Variants in POU6F2 observed in about 807,000 individuals in gnomAD.
POU6F2 encodes POU domain, class 6, transcription factor 2.
Under a neutral mutation model 71.3 loss-of-function variants are expected in POU6F2, and 31 were observed. The ratio of observed to expected loss-of-function variants is 0.43; its 90% confidence interval spans 0.33 to 0.59. The LOEUF (loss-of-function observed/expected upper bound fraction) is 0.59, where lower values mean the gene tolerates loss of function less well. POU6F2 is among the 20% of genes least tolerant of loss of function. POU6F2 has a pLI of 0.04. For synonymous variants in POU6F2, 347 were observed against 355.7 expected (o/e 0.98, Z 0.27); for missense variants, 783 against 856.8 (o/e 0.91, Z 1.07).
At chr7:39,430,954 G>A (rs928086021) in intron 6 of POU6F2, among the ~76,000 whole-genome samples, 4 of 152,172 alleles carry the variant, frequency 2.6e-5, no homozygotes, top group African/African-American at 9.7e-5. Context: ...GAAGATGGGA[G>A]GCCTGTTCCT....
In POU6F2 at chr7:39,030,117, A is replaced by G. The variant is rs192740137; in HGVS notation, c.105+52059A>G. ...ATTAAAATTACTTTTTGAAAGTTTC[A>G]CTTGTAGAATTATCTGAGTCAATGT... On this transcript the variant is annotated intron_variant, in intron 1 of 9. Transcript: ENST00000518318. Among the ~76,000 whole-genome samples, 18 of 152,030 alleles carry G rather than the reference A, an allele frequency of 1.2e-4. No homozygotes were observed. The East Asian group carries it at 3.5e-3, about 30-fold the overall frequency.
chr7:39,015,881 A>C (rs1412579521), intron 1 of POU6F2, among the ~76,000 whole-genome samples: 1 of 45,326 alleles, frequency 2.2e-5, no homozygotes, highest in African/African-American at 7.7e-5. Context: ...ATATAGATAT[A>C]TATTATATAT....
rs1218595822 is a variant in POU6F2 at position 39,207,243 on chromosome 7, A to C, written c.370-149A>C. The C allele has an allele frequency of 4.5e-6, 3 of 671,040 alleles. No individual in the cohort carries two copies. The African/African-American group carries it at 5.4e-5, about 12-fold the overall frequency. 41.6% of individuals were successfully genotyped at this position (671,040 alleles called of 1,614,324 possible). A position where few individuals can be genotyped will look rare whatever the true frequency, so the allele number is the denominator to read the frequency against. On this transcript the variant is annotated intron_variant, in intron 3 of 9. Transcript: ENST00000518318. ...AATGCAACTTTGAAAATTTTTTTCT[A>C]CCAATCATTTTTTTTTAATGAGATA...
At chr7:39,181,789 T>A (rs2128741541) in intron 2 of POU6F2, among the ~76,000 whole-genome samples, 1 of 152,242 alleles carries the variant, frequency 6.6e-6, no homozygotes, top group Admixed American at 6.5e-5. Flanking sequence ...AGTCATTAGG[T>A]TGCTTTTCCA....
intron 4 of POU6F2, among the ~76,000 whole-genome samples, chr7:39,252,418 A>ACACACG (rs1783942667): frequency 6.6e-6 from 1 of 151,924 alleles, no homozygotes; most frequent in Non-Finnish European, 1.5e-5. Flanking sequence ...ACACACACAC[A>ACACACG]CACACACACA....
chr7:39,229,847 C>T (rs187100228), intron 4 of POU6F2, among the ~76,000 whole-genome samples: 11 of 152,286 alleles, frequency 7.2e-5, no homozygotes, highest in African/African-American at 2.4e-4. Flanking sequence ...TACTAACTGA[C>T]GTTTTGAGGA....
At chr7:39,052,852 C>T (rs963610640) in intron 1 of POU6F2, among the ~76,000 whole-genome samples, 1 of 152,232 alleles carries the variant, frequency 6.6e-6, no homozygotes, top group South Asian at 2.1e-4. Context: ...CAGAACCACA[C>T]TGGACCTTGG....
intron 5 of POU6F2, among the ~76,000 whole-genome samples, chr7:39,389,955 A>G (rs1357387819): frequency 6.6e-6 from 1 of 152,140 alleles, no homozygotes; most frequent in African/African-American, 2.4e-5. Context: ...TTCCCTCTTA[A>G]GAGTTTTTTG....
intron 5 of POU6F2, among the ~76,000 whole-genome samples, chr7:39,398,812 G>T (rs1043257368): frequency 3.3e-5 from 5 of 152,158 alleles, no homozygotes; most frequent in African/African-American, 1.2e-4. Context: ...AAACTTATAT[G>T]GGGCTTATTA....
chr7:39,150,202 T>A (rs938832714), intron 2 of POU6F2, among the ~76,000 whole-genome samples: 11 of 149,214 alleles, frequency 7.4e-5, no homozygotes, highest in Non-Finnish European at 1.2e-4. Context: ...CAAGATTTCC[T>A]TTTTTAAGGC....
intron 2 of POU6F2, among the ~76,000 whole-genome samples, chr7:39,106,428 A>G (rs1243266541): frequency 6.6e-6 from 1 of 152,238 alleles, no homozygotes; most frequent in Non-Finnish European, 1.5e-5. Flanking sequence ...GTAATAATCT[A>G]TAGTCATGCA....
intron 2 of POU6F2, among the ~76,000 whole-genome samples, chr7:39,193,007 T>C (rs1793702018): frequency 6.6e-6 from 1 of 152,142 alleles, no homozygotes; most frequent in Non-Finnish European, 1.5e-5. Context: ...ACCGTGGGCA[T>C]TGTGCATCAC....
At chr7:39,190,202 T>G (rs1793632545) in intron 2 of POU6F2, among the ~76,000 whole-genome samples, 1 of 151,926 alleles carries the variant, frequency 6.6e-6, no homozygotes, top group African/African-American at 2.4e-5. Context: ...GACCCTTCCT[T>G]TCAGTGAATC....
intron 4 of POU6F2, among the ~76,000 whole-genome samples, chr7:39,283,345 G>A (rs1349732353): frequency 6.6e-6 from 1 of 151,946 alleles, no homozygotes; most frequent in African/African-American, 2.4e-5. Context: ...ACATTCGTAA[G>A]TAACCATCAT....
rs924870787 is a variant in POU6F2 at position 39,466,219 on chromosome 7, A to G, written c.*1533A>G. On this transcript the variant is annotated 3_prime_UTR_variant, in exon 10 of 10. Transcript: ENST00000518318. ...GAAGAAGCTTTCACCAAAAGAAAAA[A>G]ATATAGAAGGGGCTTATCTAACAAT... The G allele has an allele frequency of 6.6e-6, 1 of 152,244 alleles. No individual in the cohort carries two copies. Among genetic ancestry groups the G allele is most frequent in the Non-Finnish European group, 1.5e-5 (1 of 68,044 alleles). The allele number at this position is 152,244 out of a possible 1,614,324, so 9.4% of individuals were successfully genotyped here.
chr7:39,443,437 G>T (rs2116081558), intron 7 of POU6F2, among the ~76,000 whole-genome samples: 1 of 152,352 alleles, frequency 6.6e-6, no homozygotes, highest in East Asian at 1.9e-4. Context: ...GCACCAATGG[G>T]CCTGTCCCTC....
intron 2 of POU6F2, among the ~76,000 whole-genome samples, chr7:39,186,176 T>G (rs1015660948): frequency 6.6e-6 from 1 of 152,176 alleles, no homozygotes. Flanking sequence ...AAATTTCAGA[T>G]GATGACTATG....
intron 2 of POU6F2, among the ~76,000 whole-genome samples, chr7:39,149,448 T>C (rs1002520911): frequency 6.6e-6 from 1 of 152,232 alleles, no homozygotes; most frequent in African/African-American, 2.4e-5. Context: ...ATGCGATACA[T>C]AAAGATAGTG....
intron 2 of POU6F2, among the ~76,000 whole-genome samples, chr7:39,117,615 G>A (rs1482749117): frequency 6.6e-6 from 1 of 152,172 alleles, no homozygotes; most frequent in East Asian, 1.9e-4. Flanking sequence ...AGCCCTTACT[G>A]CAGGCAGGAG....
Sources: gnomAD v4.1 joint callset for allele counts (sites outside exome capture counted in the v4.1 genomes callset) on GRCh38, gnomAD v4.1.1 for gene constraint, MANE v1.5 for transcripts, NCBI Gene and HGNC (gene_info 2026-07-23, HGNC 2026-07-21) for gene names.